The following SLC24A2 variants were observed in gnomAD, a reference collection of about 807,000 sequenced individuals.
The protein encoded by SLC24A2 is solute carrier family 24 member 2.
Under a neutral mutation model 62.0 loss-of-function variants are expected in SLC24A2, and 36 were observed. The observed-to-expected ratio is 0.58, with a 90% CI of 0.44 to 0.77. The LOEUF (loss-of-function observed/expected upper bound fraction) is 0.77. SLC24A2 is among the 30% of genes least tolerant of loss of function. SLC24A2 has a pLI of 0.00. For synonymous variants in SLC24A2, 358 were observed against 294.0 expected, an observed-to-expected ratio of 1.22 and a Z score of -2.23; for missense variants, 846 against 817.9, an observed-to-expected ratio of 1.03 and a Z score of -0.42.
intron 2 of SLC24A2, among the ~76,000 whole-genome samples, chr9:19,709,077 A>G (rs527982053): frequency 1.3e-4 from 20 of 152,328 alleles, no homozygotes; most frequent in African/African-American, 4.8e-4. Context: ...CAAACAACCC[A>G]TCAAAAAGGG....
the SLC24A2 span, among the ~76,000 whole-genome samples, chr9:19,812,562 GTC>G: frequency 6.6e-6 from 1 of 151,454 alleles, no homozygotes; most frequent in Non-Finnish European, 1.5e-5. Context: ...TTATCTTTTT[GTC>G]TGTTTTCTCT....
chr9:19,782,915 G>T (rs1316774822), intron 2 of SLC24A2, among the ~76,000 whole-genome samples: 2 of 152,018 alleles, frequency 1.3e-5, no homozygotes, highest in African/African-American at 4.8e-5. Flanking sequence ...TTTCCTTTTT[G>T]AGTTAAAGCC....
chr9:20,008,785 C>T, the SLC24A2 span, among the ~76,000 whole-genome samples: 1 of 152,132 alleles, frequency 6.6e-6, no homozygotes, highest in Non-Finnish European at 1.5e-5. Flanking sequence ...CACTTCCATC[C>T]TCTACTCTAC....
intron 7 of SLC24A2, among the ~76,000 whole-genome samples, chr9:19,560,220 G>C (rs751181489): frequency 1.3e-5 from 2 of 152,086 alleles, no homozygotes; most frequent in South Asian, 2.1e-4. Context: ...AGAAACCAGA[G>C]AGCTGTATTC....
the SLC24A2 span, among the ~76,000 whole-genome samples, chr9:20,096,315 C>T: frequency 9.2e-5 from 14 of 152,156 alleles, no homozygotes; most frequent in Non-Finnish European, 1.3e-4. Context: ...CCACCTTAAT[C>T]TATAACTCAT....
At chr9:20,159,764 T>C in the SLC24A2 span, among the ~76,000 whole-genome samples, 5 of 151,462 alleles carry the variant, frequency 3.3e-5, no homozygotes, top group African/African-American at 9.7e-5. Context: ...AAAGCAGAAC[T>C]AGATATAATG....
At chr9:19,955,904 T>TAC in the SLC24A2 span, among the ~76,000 whole-genome samples, 1 of 152,210 alleles carries the variant, frequency 6.6e-6, no homozygotes, top group Admixed American at 6.5e-5. Flanking sequence ...TTTTCTCCCT[T>TAC]ACAAAATTTT....
chr9:19,656,877 G>A (rs1418183088), intron 2 of SLC24A2, among the ~76,000 whole-genome samples: 2 of 152,174 alleles, frequency 1.3e-5, no homozygotes, highest in East Asian at 3.9e-4. Flanking sequence ...AGGTGGAGCT[G>A]AACCCCTTCC....
chr9:19,927,728 T>G, the SLC24A2 span: 1 of 152,220 alleles, frequency 6.6e-6, no homozygotes, highest in Admixed American at 6.5e-5. Context: ...TTTATGGCTC[T>G]GACGGGAGAG....
the SLC24A2 span, among the ~76,000 whole-genome samples, chr9:20,174,570 T>A: frequency 6.6e-6 from 1 of 151,358 alleles, no homozygotes; most frequent in Admixed American, 6.6e-5. Flanking sequence ...CAAAAGAAGA[T>A]ACACAAATGG....
the SLC24A2 span, among the ~76,000 whole-genome samples, chr9:19,800,347 A>G: frequency 6.6e-6 from 1 of 152,172 alleles, no homozygotes; most frequent in Non-Finnish European, 1.5e-5. Flanking sequence ...CTATTAGTCT[A>G]TATCTTCACT....
At chr9:19,575,638 G>C (rs773594480) in intron 6 of SLC24A2, among the ~76,000 whole-genome samples, 1 of 152,206 alleles carries the variant, frequency 6.6e-6, no homozygotes, top group Non-Finnish European at 1.5e-5. Context: ...AAGTCATTGA[G>C]AGCCCCAATA....
At chr9:20,125,656 GT>G in the SLC24A2 span, among the ~76,000 whole-genome samples, 1 of 152,146 alleles carries the variant, frequency 6.6e-6, no homozygotes, top group Non-Finnish European at 1.5e-5. Context: ...ATGAGTTGCA[GT>G]CCTTGTGGCC....
intron 2 of SLC24A2, among the ~76,000 whole-genome samples, chr9:19,708,020 C>A (rs1257168117): frequency 1.3e-5 from 2 of 152,194 alleles, no homozygotes; most frequent in African/African-American, 2.4e-5. Flanking sequence ...TGTCTCAGCC[C>A]TAAATCTCCT....
At chr9:20,017,487 G>A in the SLC24A2 span, among the ~76,000 whole-genome samples, 2 of 152,074 alleles carry the variant, frequency 1.3e-5, no homozygotes, top group African/African-American at 2.4e-5. Context: ...GTTCTCTAAA[G>A]GGACAGAACT....
the SLC24A2 span, among the ~76,000 whole-genome samples, chr9:20,106,463 A>G: frequency 6.6e-6 from 1 of 152,226 alleles, no homozygotes; most frequent in African/African-American, 2.4e-5. Flanking sequence ...AATACTGGCA[A>G]ACCGAATCCA....
Position 19,563,796 on chromosome 9 carries a change from C to CCCTT in SLC24A2, c.1347+9551_1347+9554dup, listed in dbSNP as rs1181236935. Among the ~76,000 whole-genome samples, 66 of 60,800 alleles carry CCCTT rather than the reference C, an allele frequency of 1.1e-3. 1 individual carries two copies. Among genetic ancestry groups the CCCTT allele is most frequent in the Non-Finnish European group, 1.6e-3 (50 of 30,654 alleles). 39.9% of individuals were successfully genotyped at this position (60,800 alleles called of 152,430 possible). ...ACAAAACTGTTGGTTTTTATAATGA[C>CCCTT]CCTTCCTTCCTTCCTTCCTTCCTTC... On this transcript the variant is annotated intron_variant, in intron 7 of 10. Transcript: ENST00000341998.
chr9:19,735,093 AT>A (rs1264243296), intron 2 of SLC24A2, among the ~76,000 whole-genome samples: 1 of 152,086 alleles, frequency 6.6e-6, no homozygotes, highest in Non-Finnish European at 1.5e-5. Context: ...ATGGGAGAAA[AT>A]TTTTGCAATC....
At chr9:20,303,703 C>T in the SLC24A2 span, among the ~76,000 whole-genome samples, 2 of 152,348 alleles carry the variant, frequency 1.3e-5, no homozygotes, top group African/African-American at 2.4e-5. Flanking sequence ...CTCCACCTGA[C>T]TGTAGCCATA....
Sources: allele counts gnomAD v4.1 joint callset (sites outside exome capture counted in the v4.1 genomes callset), GRCh38; gene constraint gnomAD v4.1.1; transcripts MANE v1.5; gene names NCBI Gene and HGNC (gene_info 2026-07-23, HGNC 2026-07-21).